DOK6: variants seen among roughly 807,000 people sequenced by gnomAD.
The protein encoded by DOK6 is downstream of tyrosine kinase 6.
DOK6 carries 22 observed loss-of-function variants against 44.0 expected under a neutral mutation model. The observed-to-expected ratio is 0.50, with a 90% CI of 0.36 to 0.71. DOK6 has a LOEUF of 0.71. Ranked by LOEUF, DOK6 falls within the 30% of genes least tolerant of loss-of-function variation. The probability of loss-of-function intolerance (pLI) is 0.00; values close to 1 mark genes in which losing one functional copy is unlikely to be tolerated. For missense variants in DOK6, 340 were observed against 416.4 expected (o/e 0.82, Z 1.60); for synonymous variants, 166 against 145.5 (o/e 1.14, Z -1.01).
chr18:69,660,769 C>T (rs184585048), intron 3 of DOK6: 77 of 151,126 alleles, frequency 5.1e-4, no homozygotes, highest in Admixed American at 8.6e-4. Context: ...CTCCCAGGTT[C>T]AAGCAATTCT....
At chr18:69,507,316 C>A (rs898904400) in intron 1 of DOK6, among the ~76,000 whole-genome samples, 1 of 152,028 alleles carries the variant, frequency 6.6e-6, no homozygotes, top group African/African-American at 2.4e-5. Context: ...CGTGAGCCAC[C>A]GTGCCCAGCC....
At chr18:69,787,920 T>C (rs779594937) in intron 7 of DOK6, among the ~76,000 whole-genome samples, 38 of 152,322 alleles carry the variant, frequency 2.5e-4, no homozygotes, top group Middle Eastern at 6.8e-3. Context: ...ACTAAATATA[T>C]TCAGCCTCGG....
intron 1 of DOK6, among the ~76,000 whole-genome samples, chr18:69,485,700 G>C (rs1271318622): frequency 6.6e-6 from 1 of 152,036 alleles, no homozygotes; most frequent in Non-Finnish European, 1.5e-5. Flanking sequence ...AAATTGGTAG[G>C]AAATTTTGAG....
chr18:69,577,724 A>G (rs1983271411), intron 2 of DOK6, among the ~76,000 whole-genome samples: 1 of 152,172 alleles, frequency 6.6e-6, no homozygotes, highest in Admixed American at 6.6e-5. Context: ...TCGAAACCAG[A>G]GATTAGCGAG....
At chr18:69,563,078 A>T (rs945023544) in intron 1 of DOK6, among the ~76,000 whole-genome samples, 3 of 152,250 alleles carry the variant, frequency 2.0e-5, no homozygotes, top group Non-Finnish European at 4.4e-5. Context: ...CATCAGAAAA[A>T]TGCAAATCAA....
chr18:69,581,134 G>C (rs1456029327), intron 2 of DOK6, among the ~76,000 whole-genome samples: 1 of 152,156 alleles, frequency 6.6e-6, no homozygotes, highest in Non-Finnish European at 1.5e-5. Flanking sequence ...CTTTCTTAAA[G>C]TAAACAGTGT....
rs1379756187 is a variant in DOK6 at position 69,454,983 on chromosome 18, G to A, written c.66+53673G>A. 1.1e-3 allele frequency among the ~76,000 whole-genome samples: 163 copies of A among 144,136 alleles called. 1 individual carries two copies. Among genetic ancestry groups the A allele is most frequent in the African/African-American group, 3.5e-3 (139 of 39,284 alleles). 94.6% of individuals were successfully genotyped at this position (144,136 alleles called of 152,430 possible). On this transcript the variant is annotated intron_variant, in intron 1 of 7. Coordinates refer to ENST00000382713, the MANE Select transcript of DOK6 (RefSeq NM_152721.6). ...TAGATGACGAGTTAGTGGGTGCAGC[G>A]CACCAGCATGGCACATGTATACATA... is the stretch of plus-strand genomic sequence containing the variant.
intron 7 of DOK6, among the ~76,000 whole-genome samples, chr18:69,818,350 G>C (rs562252306): frequency 1.3e-5 from 2 of 152,270 alleles, no homozygotes; most frequent in East Asian, 1.9e-4. Flanking sequence ...CACCAGGCAT[G>C]GTTCAGGCAA....
intron 1 of DOK6, among the ~76,000 whole-genome samples, chr18:69,403,632 C>T (rs1916144226): frequency 2.0e-5 from 3 of 151,374 alleles, no homozygotes; most frequent in Middle Eastern, 3.4e-3. Flanking sequence ...ATATTAAATT[C>T]ACCTTGACTA....
At chr18:69,826,359 C>T (rs142700191) in intron 7 of DOK6, among the ~76,000 whole-genome samples, 108 of 152,168 alleles carry the variant, frequency 7.1e-4, no homozygotes, top group East Asian at 1.9e-4. Flanking sequence ...TTACTCTGAA[C>T]GTACATTTCT....
chr18:69,412,968 A>C (rs780744901), intron 1 of DOK6, among the ~76,000 whole-genome samples: 3 of 152,114 alleles, frequency 2.0e-5, no homozygotes, highest in Non-Finnish European at 2.9e-5. Context: ...TACTGGATCA[A>C]TGTAATGACA....
At chr18:69,487,336 C>A (rs934451477) in intron 1 of DOK6, among the ~76,000 whole-genome samples, 1 of 151,712 alleles carries the variant, frequency 6.6e-6, no homozygotes, top group African/African-American at 2.4e-5. Context: ...ATCCAGTGGT[C>A]ATAAATTAGG....
chr18:69,815,826 A>G (rs1034815419), intron 7 of DOK6, among the ~76,000 whole-genome samples: 1 of 152,130 alleles, frequency 6.6e-6, no homozygotes, highest in African/African-American at 2.4e-5. Flanking sequence ...TATATGTGTC[A>G]TTTGAGGCTT....
At position 69,622,051 on chromosome 18, in the gene DOK6, T is replaced by G. The variant is rs529672515; in HGVS notation, c.289+22553T>G. Reference sequence around the variant, plus strand: ...ACAGATTTTATGTTAATTTCCCTTTTGAATTTCAGTTTCTACAGATTCAAA... The same window carrying G: ...ACAGATTTTATGTTAATTTCCCTTTGGAATTTCAGTTTCTACAGATTCAAA... On this transcript the variant is annotated intron_variant, in intron 3 of 7. Transcript: ENST00000382713. Among the ~76,000 whole-genome samples, 3 of 152,324 alleles carry G rather than the reference T, an allele frequency of 2.0e-5. No individual in the cohort carries two copies. The East Asian group carries it at 5.8e-4, about 29-fold the overall frequency.
chr18:69,497,779 A>T (rs115116142), intron 1 of DOK6, among the ~76,000 whole-genome samples: 395 of 152,342 alleles, frequency 2.6e-3, no homozygotes, highest in African/African-American at 8.9e-3. Context: ...TTAAAATATA[A>T]AACAGTGTTA....
intron 4 of DOK6, among the ~76,000 whole-genome samples, chr18:69,694,221 C>G (rs1347991885): frequency 6.6e-6 from 1 of 151,782 alleles, no homozygotes; most frequent in Non-Finnish European, 1.5e-5. Context: ...GTCACCCTGT[C>G]TTGCCAGACC....
At chr18:69,447,981 T>C (rs1046131850) in intron 1 of DOK6, among the ~76,000 whole-genome samples, 3 of 152,190 alleles carry the variant, frequency 2.0e-5, no homozygotes, top group Non-Finnish European at 2.9e-5. Context: ...CTCAAGCTAG[T>C]CATTCAGGGA....
At chr18:69,527,838 G>A (rs1599174636) in intron 1 of DOK6, among the ~76,000 whole-genome samples, 1 of 152,180 alleles carries the variant, frequency 6.6e-6, no homozygotes, top group Middle Eastern at 3.4e-3. Flanking sequence ...TTTAAACCTA[G>A]TTATAATCAT....
intron 1 of DOK6, among the ~76,000 whole-genome samples, chr18:69,428,111 T>C (rs1208255162): frequency 6.6e-6 from 1 of 152,134 alleles, no homozygotes; most frequent in Non-Finnish European, 1.5e-5. Flanking sequence ...ATTTACTTTC[T>C]TTATAGTTCC....
Sources: allele counts gnomAD v4.1 joint callset (sites outside exome capture counted in the v4.1 genomes callset), GRCh38; gene constraint gnomAD v4.1.1; transcripts MANE v1.5; gene names NCBI Gene and HGNC (gene_info 2026-07-23, HGNC 2026-07-21).